RAB3C: variants seen among roughly 807,000 people sequenced by gnomAD.
RAB3C encodes the protein RAB3C, member RAS oncogene family, also known as ras-related protein Rab-3C.
A neutral mutation model predicts 26.4 loss-of-function variants in RAB3C; 17 were observed. The ratio of observed to expected loss-of-function variants is 0.64; its 90% CI spans 0.44 to 0.97. RAB3C has a LOEUF of 0.97. Ranked by LOEUF, RAB3C falls within the 50% of genes least tolerant of loss-of-function variation. The probability of loss-of-function intolerance (pLI) is 0.00; values close to 1 mark genes in which losing one functional copy is unlikely to be tolerated. For missense variants in RAB3C, 242 were observed against 281.9 expected, an observed-to-expected ratio of 0.86 and a Z score of 1.01; for synonymous variants, 91 against 95.9, an observed-to-expected ratio of 0.95 and a Z score of 0.30.
At chr5:58,772,019 G>A (rs1319717844) in intron 3 of RAB3C, among the ~76,000 whole-genome samples, 1 of 152,026 alleles carries the variant, frequency 6.6e-6, no homozygotes, top group Non-Finnish European at 1.5e-5. Context: ...ATACTACTGA[G>A]TAAAGCAGAA....
intron 3 of RAB3C, among the ~76,000 whole-genome samples, chr5:58,783,757 T>C (rs1015000971): frequency 1.3e-5 from 2 of 152,206 alleles, no homozygotes; most frequent in Admixed American, 1.3e-4. Flanking sequence ...ACATCAAACA[T>C]TCTCCCTTCT....
At chr5:58,722,350 G>A (rs1740789160) in intron 2 of RAB3C, among the ~76,000 whole-genome samples, 1 of 151,408 alleles carries the variant, frequency 6.6e-6, no homozygotes, top group Non-Finnish European at 1.5e-5. Flanking sequence ...GCTGTCTATT[G>A]TAGTGCAGAG....
rs1349982624 is a variant in RAB3C, at chr5:58,856,848, A to G, written c.*5497A>G. 6.6e-6 allele frequency: 1 copy of G among 152,218 alleles called. No homozygotes were observed. Among genetic ancestry groups the G allele is most frequent in the Non-Finnish European group, 1.5e-5 (1 of 68,032 alleles). 9.4% of individuals were successfully genotyped at this position (152,218 alleles called of 1,614,324 possible). A position where few individuals can be genotyped will look rare whatever the true frequency, so the allele number is the denominator to read the frequency against. On this transcript the variant is annotated 3_prime_UTR_variant, in exon 5 of 5. Transcript: ENST00000282878. ...AGTTTGGGTATTGTTTGCTGTATCA[A>G]TATGATGGCTTTCCATGCATTGTCT...
At chr5:58,606,279 G>A (rs71626112) in intron 1 of RAB3C, among the ~76,000 whole-genome samples, 6 of 152,240 alleles carry the variant, frequency 3.9e-5, no homozygotes, top group African/African-American at 7.2e-5. Flanking sequence ...CCACACCAAC[G>A]CAGCCTTGCT....
At chr5:58,842,012 G>A (rs561761252) in intron 4 of RAB3C, among the ~76,000 whole-genome samples, 1 of 152,244 alleles carries the variant, frequency 6.6e-6, no homozygotes, top group African/African-American at 2.4e-5. Context: ...TCTTTATTGG[G>A]ATACAGAGCA....
chr5:58,591,787 T>A (rs951369000), intron 1 of RAB3C, among the ~76,000 whole-genome samples: 2 of 150,970 alleles, frequency 1.3e-5, no homozygotes, highest in African/African-American at 2.4e-5. Flanking sequence ...TTTGTTTTTT[T>A]AATTTATTCT....
At chr5:58,757,710 A>G (rs1181868077) in intron 3 of RAB3C, among the ~76,000 whole-genome samples, 1 of 152,234 alleles carries the variant, frequency 6.6e-6, no homozygotes, top group East Asian at 1.9e-4. Context: ...ACTAATAAAT[A>G]GTCTGAAAGA....
chr5:58,736,362 C>T (rs895101094), intron 3 of RAB3C, among the ~76,000 whole-genome samples: 2 of 152,154 alleles, frequency 1.3e-5, no homozygotes, highest in African/African-American at 2.4e-5. Context: ...AGATATTGAG[C>T]GCATTCTCCA....
chr5:58,770,685 C>T (rs1742013447), intron 3 of RAB3C, among the ~76,000 whole-genome samples: 1 of 152,078 alleles, frequency 6.6e-6, no homozygotes, highest in Non-Finnish European at 1.5e-5. Flanking sequence ...AAACCTAAAA[C>T]AGGAAGTGAA....
At chr5:58,827,346 C>T (rs1213741486) in intron 4 of RAB3C, among the ~76,000 whole-genome samples, 2 of 152,220 alleles carry the variant, frequency 1.3e-5, no homozygotes, top group Non-Finnish European at 2.9e-5. Flanking sequence ...TAGGCTGTCT[C>T]TATGAATAAA....
intron 2 of RAB3C, among the ~76,000 whole-genome samples, chr5:58,698,636 T>A (rs1260942658): frequency 6.6e-6 from 1 of 152,184 alleles, no homozygotes; most frequent in Non-Finnish European, 1.5e-5. Context: ...TTTACTCTTT[T>A]TTCTCTAAAC....
intron 2 of RAB3C, among the ~76,000 whole-genome samples, chr5:58,717,538 C>T (rs1229438210): frequency 2.0e-5 from 3 of 152,200 alleles, no homozygotes; most frequent in East Asian, 3.9e-4. Flanking sequence ...AGGGCTCTCT[C>T]GCTGCATAGT....
intron 3 of RAB3C, among the ~76,000 whole-genome samples, chr5:58,739,792 C>T (rs1184771991): frequency 6.6e-6 from 1 of 152,218 alleles, no homozygotes; most frequent in Non-Finnish European, 1.5e-5. Flanking sequence ...CTTATGGTCT[C>T]TACTTACAGA....
At chr5:58,655,125 A>G (rs934484519) in intron 2 of RAB3C, among the ~76,000 whole-genome samples, 37 of 152,172 alleles carry the variant, frequency 2.4e-4, no homozygotes, top group African/African-American at 8.7e-4. Context: ...CATGCCTCCA[A>G]AGTTATGCAG....
intron 3 of RAB3C, among the ~76,000 whole-genome samples, chr5:58,753,697 A>C (rs1037941666): frequency 4.6e-5 from 7 of 152,176 alleles, no homozygotes; most frequent in African/African-American, 1.7e-4. Flanking sequence ...GAAAGATACA[A>C]AGGCAAGTAG....
chr5:58,847,887 G>T (rs1433633639), intron 4 of RAB3C, among the ~76,000 whole-genome samples: 1 of 151,734 alleles, frequency 6.6e-6, no homozygotes, highest in East Asian at 1.9e-4. Flanking sequence ...ATGGAGTCTC[G>T]CTCTGTCACC....
At chr5:58,727,518 A>G (rs1485077611) in intron 3 of RAB3C, among the ~76,000 whole-genome samples, 1 of 152,032 alleles carries the variant, frequency 6.6e-6, no homozygotes, top group East Asian at 1.9e-4. Context: ...TTAATTAAAT[A>G]CAGCAGATTT....
At chr5:58,714,930 G>A (rs141294299) in intron 2 of RAB3C, among the ~76,000 whole-genome samples, 64 of 151,952 alleles carry the variant, frequency 4.2e-4, no homozygotes, top group African/African-American at 1.5e-3. Flanking sequence ...ATATTAGTGG[G>A]CCAATTTCTT....
intron 2 of RAB3C, among the ~76,000 whole-genome samples, chr5:58,624,426 C>G (rs1008111828): frequency 3.3e-5 from 5 of 152,190 alleles, no homozygotes; most frequent in African/African-American, 1.2e-4. Flanking sequence ...CCTGTTTGAG[C>G]AGAGGTGGAT....
Sources: gnomAD v4.1 joint callset for allele counts (sites outside exome capture counted in the v4.1 genomes callset) on GRCh38, gnomAD v4.1.1 for gene constraint, MANE v1.5 for transcripts, NCBI Gene and HGNC (gene_info 2026-07-23, HGNC 2026-07-21) for gene names.